Variants in REEP2 observed in about 807,000 individuals in gnomAD.
REEP2 encodes receptor accessory protein 2, also known as receptor expression-enhancing protein 2.
Under a neutral mutation model 32.1 loss-of-function variants are expected in REEP2, and 9 were observed. That is an observed-to-expected ratio of 0.28 (90% CI 0.17 to 0.49). REEP2 has a LOEUF of 0.49. REEP2 is among the 20% of genes least tolerant of loss of function. The pLI, the probability that REEP2 is intolerant of heterozygous loss-of-function variation, is 0.99. For missense variants in REEP2, 236 were observed against 338.0 expected (o/e 0.70, Z 2.37); for synonymous variants, 128 against 139.1 (o/e 0.92, Z 0.56).
In REEP2 at chr5:138,445,614, A is replaced by G. The variant is rs1477945779; in HGVS notation, c.696+16A>G. 6 of 1,614,076 alleles carry G rather than the reference A, an allele frequency of 3.7e-6. No individual in the cohort carries two copies. In the South Asian group the frequency reaches 6.6e-5, roughly 18 times the overall value. On this transcript the variant is annotated intron_variant, in intron 7 of 7. Transcript: ENST00000378339. ...CAAAGCTGAGGTGAGGGCACTGGCC[A>G]GAGCTTGGGGAAACAGGCAGGGGGT...
chr5:138,444,889 A>T, intron 5 of REEP2, 22 bp downstream of exon 5: 1 of 1,568,496 alleles, frequency 6.4e-7, no homozygotes, highest in Non-Finnish European at 8.7e-7. Context: ...GCAGGCTCAG[A>T]CTCCCAGGGC....
chr5:138,444,989 G>T, intron 5 of REEP2, 122 bp downstream of exon 5: 2 of 799,772 alleles, frequency 2.5e-6, no homozygotes, highest in Non-Finnish European at 2.0e-6. Context: ...GCAGCTGGAG[G>T]CTCCAGTCCA....
chr5:138,444,706 G>C, intron 4 of REEP2, 48 bp from the exon 5 acceptor site: 13 of 1,592,296 alleles, frequency 8.2e-6, no homozygotes, highest in Non-Finnish European at 1.1e-5. Flanking sequence ...GGGTGAACAA[G>C]GGTAGGGCAG....
chr5:138,440,838 C>T, intron 1 of REEP2, 178 bp from the exon 2 acceptor site: 1 of 1,260,408 alleles, frequency 7.9e-7, no homozygotes, highest in Non-Finnish European at 1.1e-6. Flanking sequence ...GGGGGCATCA[C>T]CCTACCTGGC....
At chr5:138,445,127 G>A (rs1763901531) in intron 5 of REEP2, 101 bp from the exon 6 acceptor site, 4 of 1,312,510 alleles carry the variant, frequency 3.0e-6, no homozygotes, top group Non-Finnish European at 4.2e-6. Flanking sequence ...GGACAGTGTG[G>A]GGAGGGCACC....
chr5:138,444,625 G>T, intron 4 of REEP2, 90 bp downstream of exon 4: 1 of 1,575,074 alleles, frequency 6.3e-7, no homozygotes, highest in South Asian at 1.1e-5. Context: ...CCCTCCCTGT[G>T]GGGCCCAGAG....
At chr5:138,440,920 C>G in intron 1 of REEP2, 96 bp from the exon 2 acceptor site, 2 of 1,592,334 alleles carry the variant, frequency 1.3e-6, no homozygotes, top group Non-Finnish European at 8.5e-7. Context: ...AGTTCTGTCT[C>G]TCTTCCCATT....
chr5:138,439,385 T>A, intron 1 of REEP2, 145 bp downstream of exon 1: 22 of 674,618 alleles, frequency 3.3e-5, no homozygotes, highest in Non-Finnish European at 5.0e-5. Flanking sequence ...GACATGGAGA[T>A]GTGGCACCCA....
Position 138,445,827 on chromosome 5 carries a change from C to T in REEP2, c.*76C>T. The T allele has an allele frequency of 1.4e-6, 2 of 1,420,262 alleles. No homozygotes were observed. Among genetic ancestry groups the T allele is most frequent in the Non-Finnish European group, 1.9e-6 (2 of 1,038,896 alleles). 88.0% of individuals were successfully genotyped at this position (1,420,262 alleles called of 1,614,324 possible). On this transcript the variant is annotated 3_prime_UTR_variant, in exon 8 of 8. Transcript: ENST00000378339. Reference sequence around the variant, plus strand: ...CCTCAGACCCAGCCCCTGCTCCACACTGTGCCAGTAGCCTAGGTGTCTCAG... The same window carrying T: ...CCTCAGACCCAGCCCCTGCTCCACATTGTGCCAGTAGCCTAGGTGTCTCAG...
chr5:138,439,562 C>A, intron 1 of REEP2: 1 of 498,692 alleles, frequency 2.0e-6, no homozygotes, highest in Admixed American at 2.5e-5. Flanking sequence ...GGCGCGTCCC[C>A]TCCCCCACCT....
Position 138,441,116 on chromosome 5 carries a change from C to A in REEP2, c.105+28C>A. On this transcript the variant is annotated intron_variant, in intron 2 of 7. Coordinates refer to ENST00000378339, the MANE Select transcript of REEP2 (RefSeq NM_001271803.2). This position sits in a 1 kb window ranked among gnomAD's most constrained non-coding sequence, Gnocchi z 4.4. ...GAGTGGATGACCCTTCACCCCCTACCCAACCCACATGGCACAGAGAGGGGA... is the reference window on the plus strand; with the variant it reads ...GAGTGGATGACCCTTCACCCCCTACACAACCCACATGGCACAGAGAGGGGA... 1 of 1,613,318 alleles carries A rather than the reference C, an allele frequency of 6.2e-7. No homozygotes were observed. Among genetic ancestry groups the A allele is most frequent in the Non-Finnish European group, 8.5e-7 (1 of 1,179,844 alleles).
Position 138,441,106 on chromosome 5 carries a change from C to T in REEP2, c.105+18C>T. The T allele has an allele frequency of 6.2e-7, 1 of 1,613,614 alleles. No individual in the cohort carries two copies. Among genetic ancestry groups the T allele is most frequent in the Non-Finnish European group, 8.5e-7 (1 of 1,179,960 alleles). ...AGGAATATGTGAGTGGATGACCCTT[C>T]ACCCCCTACCCAACCCACATGGCAC... is the stretch of plus-strand genomic sequence containing the variant. On this transcript the variant is annotated intron_variant, in intron 2 of 7. Transcript: ENST00000378339. This position sits in a 1 kb window ranked among gnomAD's most constrained non-coding sequence, Gnocchi z 4.4.
chr5:138,439,649 G>C (rs901652485), intron 1 of REEP2: 18 of 463,660 alleles, frequency 3.9e-5, no homozygotes, highest in Admixed American at 7.0e-5. Flanking sequence ...ATGGAAGAGA[G>C]TGGAGCAAGG....
chr5:138,439,248 C>A lies in REEP2; in HGVS notation c.32+8C>A. Reference sequence around the variant, plus strand: ...CATCTCTCGCCTGGTGGTGTGAGTGCGGCGGCGGCGGGGGGTGATGCGGGC... The same window carrying A: ...CATCTCTCGCCTGGTGGTGTGAGTGAGGCGGCGGCGGGGGGTGATGCGGGC... On this transcript the variant is annotated splice_region_variant and intron_variant, in intron 1 of 7. Coordinates refer to ENST00000378339, the MANE Select transcript of REEP2 (RefSeq NM_001271803.2). 7.2e-7 allele frequency: 1 copy of A among 1,390,936 alleles called. No individual in the cohort carries two copies. The highest frequency in any genetic ancestry group is 1.9e-5 in the South Asian group (1 of 53,562). The allele number at this position is 1,390,936 out of a possible 1,614,324, so 86.2% of individuals were successfully genotyped here.
intron 1 of REEP2, among the ~76,000 whole-genome samples, chr5:138,439,984 G>T (rs546280078): frequency 6.6e-6 from 1 of 152,148 alleles, no homozygotes; most frequent in Non-Finnish European, 1.5e-5. Flanking sequence ...CATTCCCCAC[G>T]AGCCCAGACT....
At chr5:138,439,643 A>AAGAGAGTG (rs1326993092) in intron 1 of REEP2, 1 of 464,958 alleles carries the variant, frequency 2.2e-6, no homozygotes, top group Non-Finnish European at 4.3e-6. Context: ...AGGGTGATGG[A>AAGAGAGTG]AGAGAGTGGA....
Position 138,446,119 on chromosome 5 carries a change from T to G in REEP2, c.*368T>G. 4.8e-6 allele frequency: 1 copy of G among 207,558 alleles called. No homozygotes were observed. The highest frequency in any genetic ancestry group is 9.7e-6 in the Non-Finnish European group (1 of 102,860). 12.9% of individuals were successfully genotyped at this position (207,558 alleles called of 1,614,324 possible). A position where few individuals can be genotyped will look rare whatever the true frequency, so the allele number is the denominator to read the frequency against. ...AGAGGTCCTGTCGTGTTTCCACTGC[T>G]CGCCTTGGTTTGGGAGCAGGGAGGG... On this transcript the variant is annotated 3_prime_UTR_variant, in exon 8 of 8. Transcript: ENST00000378339.
In REEP2 at chr5:138,441,343, C is replaced by T; in HGVS notation, c.106-42C>T. 1.9e-6 allele frequency: 3 copies of T among 1,581,112 alleles called. No individual in the cohort carries two copies. The highest frequency in any genetic ancestry group is 8.7e-7 in the Non-Finnish European group (1 of 1,149,880). ...CTGGGGTCCTGGGTGTCCCTGGCCC[C>T]TCAGCCCCGTGCCCCAGCCAGCGCT... On this transcript the variant is annotated intron_variant, in intron 2 of 7. Coordinates refer to ENST00000378339, the MANE Select transcript of REEP2 (RefSeq NM_001271803.2). The surrounding 1 kb of genome is among the most constrained non-coding windows in gnomAD (Gnocchi z 4.4).
In REEP2 at chr5:138,446,014, C is replaced by T; in HGVS notation, c.*263C>T. 1 of 508,084 alleles carries T rather than the reference C, an allele frequency of 2.0e-6. No homozygotes were observed. Among genetic ancestry groups the T allele is most frequent in the Non-Finnish European group, 3.5e-6 (1 of 286,496 alleles). The allele number at this position is 508,084 out of a possible 1,614,324, so 31.5% of individuals were successfully genotyped here. ...ACCCAAGGAGGTGGGGACTGCTCGG[C>T]CTCCACCGCTGTTCCGCTGCAGCCC... On this transcript the variant is annotated 3_prime_UTR_variant, in exon 8 of 8. Coordinates refer to ENST00000378339, the MANE Select transcript of REEP2 (RefSeq NM_001271803.2).
Sources: allele counts gnomAD v4.1 joint callset (sites outside exome capture counted in the v4.1 genomes callset), GRCh38; gene constraint gnomAD v4.1.1; non-coding constraint Gnocchi (gnomAD v3.1); transcripts MANE v1.5; gene names NCBI Gene and HGNC (gene_info 2026-07-23, HGNC 2026-07-21).